PIEZO2: variants seen among roughly 807,000 people sequenced by gnomAD.
The protein encoded by PIEZO2 is piezo type mechanosensitive ion channel component 2, also known as piezo-type mechanosensitive ion channel component 2.
PIEZO2 carries 172 observed loss-of-function variants against 337.3 expected under a neutral mutation model. That is an observed-to-expected ratio of 0.51 (90% confidence interval 0.45 to 0.58). The LOEUF (loss-of-function observed/expected upper bound fraction) is 0.58. Among genes scored for constraint, PIEZO2 ranks in the 20% least tolerant of loss-of-function variants. PIEZO2 has a pLI of 0.00. For missense variants in PIEZO2, 3,028 were observed against 3,391.3 expected (o/e 0.89, Z 2.66); for synonymous variants, 1,251 against 1,228.5 (o/e 1.02, Z -0.38).
At chr18:10,832,082 G>A (rs2040860219) in intron 7 of PIEZO2, among the ~76,000 whole-genome samples, 1 of 152,128 alleles carries the variant, frequency 6.6e-6, no homozygotes, top group African/African-American at 2.4e-5. Context: ...AGGATCACTT[G>A]AGGCCAGGAG....
Position 10,850,563 on chromosome 18 carries a change from A to T in PIEZO2, c.917+4790T>A, listed in dbSNP as rs1271517719. On this transcript the variant is annotated intron_variant, in intron 7 of 55. Transcript: ENST00000674853. This position sits in a 1 kb window ranked among gnomAD's most constrained non-coding sequence, Gnocchi z 4.5. The stretch of plus-strand genomic sequence containing the variant: ...CTTATTCATGAGAACAAAAATGAGA[A>T]ATCATCTACGTGGTTAAAACTCAGG... Among the ~76,000 whole-genome samples, 1 of 152,196 alleles carries T rather than the reference A, an allele frequency of 6.6e-6. No individual in the cohort carries two copies. The highest frequency in any genetic ancestry group is 2.4e-5 in the African/African-American group (1 of 41,444).
At position 11,038,190 on chromosome 18, in the gene PIEZO2, C is replaced by T. The variant is rs904392947; in HGVS notation, c.160+27937G>A. Among the ~76,000 whole-genome samples, 1 of 152,116 alleles carries T rather than the reference C, an allele frequency of 6.6e-6. No homozygotes were observed. The highest frequency in any genetic ancestry group is 2.4e-5 in the African/African-American group (1 of 41,418). ...TTTCTCATTTTCTCTAGGTCCTAGT[C>T]ACCAGAACCACTATACAGTAACACA... is the stretch of plus-strand genomic sequence containing the variant. On this transcript the variant is annotated intron_variant, in intron 2 of 55. Coordinates refer to ENST00000674853, the MANE Select transcript of PIEZO2 (RefSeq NM_001378183.1). The surrounding 1 kb of genome is among the most constrained non-coding windows in gnomAD (Gnocchi z 4.1).
At position 10,847,156 on chromosome 18, in the gene PIEZO2, A is replaced by C. The variant is rs1220546639; in HGVS notation, c.917+8197T>G. On this transcript the variant is annotated intron_variant, in intron 7 of 55. Transcript: ENST00000674853. This position sits in a 1 kb window ranked among gnomAD's most constrained non-coding sequence, Gnocchi z 5.7. ...AGGGAATGAGCTGTTGAGCATTAGC[A>C]GAATCCTCTTAGTGTGGTATTATTA... Among the ~76,000 whole-genome samples, 17 of 152,236 alleles carry C rather than the reference A, an allele frequency of 1.1e-4. No individual in the cohort carries two copies. Among genetic ancestry groups the C allele is most frequent in the Admixed American group, 1.1e-3 (17 of 15,286 alleles).
At chr18:10,741,746 G>T (rs940456628) in intron 32 of PIEZO2, among the ~76,000 whole-genome samples, 1 of 152,122 alleles carries the variant, frequency 6.6e-6, no homozygotes, top group African/African-American at 2.4e-5. Context: ...GATATTTTAG[G>T]TACCAATGGT....
intron 5 of PIEZO2, among the ~76,000 whole-genome samples, chr18:10,867,657 CT>C (rs778508597): frequency 1.1e-3 from 169 of 151,962 alleles, no homozygotes; most frequent in African/African-American, 3.9e-3. Context: ...AAAATACTAT[CT>C]AAAAGAAAGG....
chr18:10,881,847 C>T (rs1208607221), intron 4 of PIEZO2, among the ~76,000 whole-genome samples: 1 of 152,094 alleles, frequency 6.6e-6, no homozygotes, highest in East Asian at 1.9e-4. Context: ...ATCCAAAGTC[C>T]TCCCTCAGCC....
intron 7 of PIEZO2, among the ~76,000 whole-genome samples, chr18:10,827,779 C>G (rs11873927): frequency 0.25 from 38,516 of 152,172 alleles, 5,062 homozygotes; most frequent in Middle Eastern, 0.34. Context: ...CCACATATTC[C>G]TCTCTTCTCT....
intron 2 of PIEZO2, among the ~76,000 whole-genome samples, chr18:10,984,739 C>A (rs2034803311): frequency 6.6e-6 from 1 of 151,976 alleles, no homozygotes; most frequent in Admixed American, 6.6e-5. Flanking sequence ...ATCCAGGAAG[C>A]CCAAAGGATT....
chr18:10,928,709 C>T (rs906283), intron 3 of PIEZO2, among the ~76,000 whole-genome samples: 83,233 of 152,068 alleles, frequency 0.55, 22,992 homozygotes, highest in East Asian at 0.72. Flanking sequence ...ATTATAATAG[C>T]CAAAAGTTCC....
chr18:11,037,767 A>G (rs28423674), intron 2 of PIEZO2, among the ~76,000 whole-genome samples: 7,338 of 152,246 alleles, frequency 0.048, 619 homozygotes, highest in African/African-American at 0.17. Flanking sequence ...CTGAAGAAAA[A>G]CAAAGAAAAG....
At chr18:10,889,292 A>G (rs548174770) in intron 4 of PIEZO2, among the ~76,000 whole-genome samples, 3 of 152,214 alleles carry the variant, frequency 2.0e-5, no homozygotes, top group Non-Finnish European at 4.4e-5. Context: ...TAAGGAAAAT[A>G]GCAGCAACTT....
At chr18:10,906,990 C>G (rs958254048) in intron 4 of PIEZO2, among the ~76,000 whole-genome samples, 2 of 152,096 alleles carry the variant, frequency 1.3e-5, no homozygotes, top group African/African-American at 4.8e-5. Context: ...CTGAAATTGT[C>G]CAAGTCCTCT....
intron 2 of PIEZO2, among the ~76,000 whole-genome samples, chr18:10,994,496 G>A (rs1040414635): frequency 4.7e-5 from 7 of 147,592 alleles, no homozygotes; most frequent in East Asian, 2.0e-4. Flanking sequence ...TGCAACCTCC[G>A]CCTCCAGGGT....
In PIEZO2 at chr18:10,677,790, T is replaced by A. The variant is rs1395222628; in HGVS notation, c.8038A>T (p.Lys2680Ter). The A allele has an allele frequency of 1.2e-6, 2 of 1,611,324 alleles. No individual in the cohort carries two copies. Among genetic ancestry groups the A allele is most frequent in the Non-Finnish European group, 1.7e-6 (2 of 1,179,474 alleles). ...TCTGTGCTGTTGCCTGCTATCATTT[T>A]AGCGATATTCTTTCGAGTAATATTT... ...LKNITRKNIA[K>*]MIAGNSTESS... Residue 2680 changes from lysine (K) to a stop codon, truncating the protein, a stop_gained, in exon 53 of 56, where the codon AAA (lysine) becomes TAA (stop). Coordinates refer to ENST00000674853, the MANE Select transcript of PIEZO2 (RefSeq NM_001378183.1). LOFTEE classifies it high-confidence loss of function. The surrounding 1 kb of genome is among the most constrained non-coding windows in gnomAD (Gnocchi z 4.1).
In PIEZO2 at chr18:11,052,971, G is replaced by A. The variant is rs566583316; in HGVS notation, c.160+13156C>T. On this transcript the variant is annotated intron_variant, in intron 2 of 55. Coordinates refer to ENST00000674853, the MANE Select transcript of PIEZO2 (RefSeq NM_001378183.1). ...TCTTTCTTTGCAAATTTGCAGGAGC[G>A]TTAGCTCTGTCGTCAAGGGCATGAG... Among the ~76,000 whole-genome samples, 339 of 152,190 alleles carry A rather than the reference G, an allele frequency of 2.2e-3. 2 individuals are homozygous for A. The highest frequency in any genetic ancestry group is 7.4e-3 in the African/African-American group (306 of 41,514).
intron 1 of PIEZO2, among the ~76,000 whole-genome samples, chr18:11,072,473 AAAG>A (rs1351242042): frequency 6.6e-6 from 1 of 152,176 alleles, no homozygotes; most frequent in Admixed American, 6.5e-5. Context: ...TTCTGGGTCA[AAAG>A]AAGAATAAAA....
rs191199118 is a variant in PIEZO2 at position 11,038,425 on chromosome 18, G to A, written c.160+27702C>T. 7.7e-4 allele frequency among the ~76,000 whole-genome samples: 117 copies of A among 152,134 alleles called. No individual in the cohort carries two copies. Among genetic ancestry groups the A allele is most frequent in the Admixed American group, 3.8e-3 (58 of 15,270 alleles). Reference sequence around the variant, plus strand: ...ACCATTCCCATGCCAAGTGTAAGCCGGAGGCCCTTATTTAAGAATCTCCAC... The same window carrying A: ...ACCATTCCCATGCCAAGTGTAAGCCAGAGGCCCTTATTTAAGAATCTCCAC... On this transcript the variant is annotated intron_variant, in intron 2 of 55. Coordinates refer to ENST00000674853, the MANE Select transcript of PIEZO2 (RefSeq NM_001378183.1). The surrounding 1 kb of genome is among the most constrained non-coding windows in gnomAD (Gnocchi z 4.1).
chr18:10,927,149 A>G (rs902361761), intron 3 of PIEZO2, among the ~76,000 whole-genome samples: 3 of 152,218 alleles, frequency 2.0e-5, no homozygotes, highest in African/African-American at 7.2e-5. Context: ...CTCTCCGGAG[A>G]CTGGCAGCCA....
chr18:11,120,186 T>G (rs1489445833), intron 1 of PIEZO2, among the ~76,000 whole-genome samples: 1 of 152,242 alleles, frequency 6.6e-6, no homozygotes, highest in African/African-American at 2.4e-5. Flanking sequence ...ATGTAATACT[T>G]GGTTAATAAA....
Sources: gnomAD v4.1 joint callset for allele counts (sites outside exome capture counted in the v4.1 genomes callset) on GRCh38, gnomAD v4.1.1 for gene constraint, Gnocchi (gnomAD v3.1) non-coding constraint, MANE v1.5 for transcripts, NCBI Gene and HGNC (gene_info 2026-07-23, HGNC 2026-07-21) for gene names.